The following ZNF37A variants were observed in gnomAD, a reference collection of about 807,000 sequenced individuals.
The protein encoded by ZNF37A is zinc finger protein 37a (KOX 21).
A neutral mutation model predicts 12.3 loss-of-function variants in ZNF37A; 10 were observed. The observed-to-expected ratio is 0.82, with a 90% CI of 0.50 to 1.38. The LOEUF is 1.38. Ranked by LOEUF, ZNF37A falls within the 40% of genes most tolerant of loss-of-function variation. The pLI is 0.00. For synonymous variants in ZNF37A, 207 were observed against 223.0 expected (o/e 0.93, Z 0.64); for missense variants, 580 against 651.2 (o/e 0.89, Z 1.19).
At chr10:38,102,598 C>T (rs1172496578) in intron 5 of ZNF37A, among the ~76,000 whole-genome samples, 1 of 152,108 alleles carries the variant, frequency 6.6e-6, no homozygotes, top group East Asian at 1.9e-4. Context: ...GCCAAGAATA[C>T]AATAAGACTG....
chr10:38,112,663 TTTTTA>T (rs1291523363), intron 5 of ZNF37A, among the ~76,000 whole-genome samples: 1 of 151,924 alleles, frequency 6.6e-6, no homozygotes, highest in Non-Finnish European at 1.5e-5. Flanking sequence ...ATTTTTCCAG[TTTTTA>T]TTTTGTTATA....
Position 38,115,245 on chromosome 10 carries a change from G to C in ZNF37A, c.193G>C (p.Glu65Gln), listed in dbSNP as rs2069175658. Residue 65 changes from glutamate to glutamine, a missense_variant, in exon 7 of 8, where the codon GAG becomes CAG. Transcript: ENST00000685332. ...EVILKLEKGE[E>Q]PWILEEKFPS... The stretch of plus-strand genomic sequence containing the variant: ...GATTCTCAAGTTGGAGAAAGGCGAG[G>C]AGCCATGGATATTAGAGGAAAAATT... The C allele has an allele frequency of 6.2e-7, 1 of 1,613,758 alleles. No individual in the cohort carries two copies. The highest frequency in any genetic ancestry group is 1.7e-5 in the Admixed American group (1 of 59,898).
chr10:38,120,861 A>C lies in ZNF37A; in HGVS notation c.*2024A>C, dbSNP rs2069651765. On this transcript the variant is annotated 3_prime_UTR_variant, in exon 8 of 8. Transcript: ENST00000685332. ...AGGAGCCTGAAAAGCTAATTTGAGA[A>C]GATAATAAGTAGGATTTTTGTTTTG... 6.6e-6 allele frequency: 1 copy of C among 152,256 alleles called. No individual in the cohort carries two copies. The allele number at this position is 152,256 out of a possible 1,614,324, so 9.4% of individuals were successfully genotyped here. A position where few individuals can be genotyped will look rare whatever the true frequency, so the allele number is the denominator to read the frequency against.
intron 5 of ZNF37A, among the ~76,000 whole-genome samples, chr10:38,111,718 A>C (rs1483578414): frequency 2.6e-5 from 4 of 152,282 alleles, no homozygotes; most frequent in Admixed American, 6.5e-5. Context: ...ATTTCAACCC[A>C]AAGGATTCCC....
At chr10:38,108,199 C>T (rs893684698) in intron 5 of ZNF37A, among the ~76,000 whole-genome samples, 10 of 152,216 alleles carry the variant, frequency 6.6e-5, no homozygotes, top group African/African-American at 2.4e-4. Context: ...AAGAAACTCA[C>T]TCAAAACTGC....
intron 7 of ZNF37A, among the ~76,000 whole-genome samples, chr10:38,131,620 A>C (rs1310930914): frequency 6.6e-6 from 1 of 152,164 alleles, no homozygotes; most frequent in Non-Finnish European, 1.5e-5. Flanking sequence ...AAATTTATTC[A>C]TCTTTCTGAA....
downstream of ZNF37A, among the ~76,000 whole-genome samples, chr10:38,126,098 G>A (rs1197735115): frequency 2.0e-5 from 3 of 152,296 alleles, no homozygotes; most frequent in African/African-American, 7.2e-5. Flanking sequence ...TTCAACATCA[G>A]ATTTAGGCAG....
Position 38,146,645 on chromosome 10 carries a change from C to T in ZNF37A, c.239-87C>T, listed in dbSNP as rs2070258956. On this transcript the variant is annotated intron_variant, in intron 7 of 7. Transcript: ENST00000638053. ...AGTAGATCCATATAGGCAGTTTCCA[C>T]ATTTGAAACCAAATGTGGCAAGAAA... is the stretch of plus-strand genomic sequence containing the variant. 6 of 395,414 alleles carry T rather than the reference C, an allele frequency of 1.5e-5. No individual in the cohort carries two copies. In the Admixed American group the frequency reaches 2.7e-4, roughly 17 times the overall value. 24.5% of individuals were successfully genotyped at this position (395,414 alleles called of 1,614,324 possible). A position where few individuals can be genotyped will look rare whatever the true frequency, so the allele number is the denominator to read the frequency against.
rs2067037633 is a variant in ZNF37A at position 38,095,044 on chromosome 10, ACCCCAGG to A, written c.-374_-368del. On this transcript the variant is annotated 5_prime_UTR_variant, in exon 2 of 8. Transcript: ENST00000685332. ...TGAGGCCGCGCACGCGGAGGGAGGC[ACCCCAGG>A]CCCTCCGGCACTGTCCAGCCTCGCC... The A allele has an allele frequency of 2.6e-5, 4 of 152,594 alleles. No individual in the cohort carries two copies. Among genetic ancestry groups the A allele is most frequent in the Non-Finnish European group, 5.9e-5 (4 of 68,352 alleles). 9.5% of individuals were successfully genotyped at this position (152,594 alleles called of 1,614,324 possible). A position where few individuals can be genotyped will look rare whatever the true frequency, so the allele number is the denominator to read the frequency against.
chr10:38,118,046 T>A lies in ZNF37A; in HGVS notation c.895T>A (p.Tyr299Asn), dbSNP rs1035368957. The part of the protein sequence containing the change: ...HQRTHTGGKP[Y>N]ECHECGKTFY... Reference sequence around the variant, plus strand: ...GAGAACACACACAGGGGGAAAACCCTATGAATGTCATGAATGTGGGAAGAC... The same window carrying A: ...GAGAACACACACAGGGGGAAAACCCAATGAATGTCATGAATGTGGGAAGAC... The change falls in exon 8 of 8, where the codon TAT becomes AAT. Residue 299 changes from tyrosine (Y) to asparagine (N), a missense_variant. Transcript: ENST00000685332. The A allele has an allele frequency of 6.2e-7, 1 of 1,613,930 alleles. No homozygotes were observed. Among genetic ancestry groups the A allele is most frequent in the African/African-American group, 1.3e-5 (1 of 74,934 alleles).
At chr10:38,112,146 CTA>C (rs1491501663) in intron 5 of ZNF37A, among the ~76,000 whole-genome samples, 1 of 117,786 alleles carries the variant, frequency 8.5e-6, no homozygotes, top group East Asian at 2.7e-4. Flanking sequence ...AAAAAAAAAA[CTA>C]AAAAAAAACC....
At chr10:38,107,358 C>T (rs1269283686) in intron 5 of ZNF37A, among the ~76,000 whole-genome samples, 1 of 152,148 alleles carries the variant, frequency 6.6e-6, no homozygotes, top group East Asian at 1.9e-4. Flanking sequence ...GAAGGAAGCA[C>T]TAAACATGGA....
chr10:38,100,445 A>T (rs1417795112), intron 5 of ZNF37A, among the ~76,000 whole-genome samples: 3 of 152,090 alleles, frequency 2.0e-5, no homozygotes, highest in Non-Finnish European at 4.4e-5. Flanking sequence ...AGACGGCCAC[A>T]CCCAGGGGGG....
At position 38,122,840 on chromosome 10, in the gene ZNF37A, A is replaced by C. The variant is rs1160004743; in HGVS notation, c.*4003A>C. 1 of 152,242 alleles carries C rather than the reference A, an allele frequency of 6.6e-6. No individual in the cohort carries two copies. Among genetic ancestry groups the C allele is most frequent in the Non-Finnish European group, 1.5e-5 (1 of 68,050 alleles). The allele number at this position is 152,242 out of a possible 1,614,324, so 9.4% of individuals were successfully genotyped here. The stretch of plus-strand genomic sequence containing the variant: ...GGACAAATGGGATCACATCAAGTTA[A>C]AAATCTTCTGCATTGCAAAGGAAAT... On this transcript the variant is annotated 3_prime_UTR_variant, in exon 8 of 8. Transcript: ENST00000685332.
chr10:38,136,058 T>C (rs2070103925), intron 7 of ZNF37A, among the ~76,000 whole-genome samples: 2 of 152,204 alleles, frequency 1.3e-5, no homozygotes, highest in East Asian at 1.9e-4. Flanking sequence ...TTAAAAACTT[T>C]TTTTGAGAGT....
downstream of ZNF37A, among the ~76,000 whole-genome samples, chr10:38,129,319 A>AAAAAAAAAAAAAAAC: frequency 3.1e-4 from 36 of 116,226 alleles, 1 homozygote; most frequent in African/African-American, 9.8e-4. Context: ...AAAAAAAAAA[A>AAAAAAAAAAAAAAAC]AAACTATTAT....
At position 38,101,966 on chromosome 10, in the gene ZNF37A, G is replaced by T. The variant is rs138963439; in HGVS notation, c.15+5334G>T. Among the ~76,000 whole-genome samples, 31 of 151,600 alleles carry T rather than the reference G, an allele frequency of 2.0e-4. No homozygotes were observed. The East Asian group carries it at 6.0e-3, about 30-fold the overall frequency. The stretch of plus-strand genomic sequence containing the variant: ...GCCTCCCGAGGAGCTGGGATTACTG[G>T]TGCACACCATGACACCTGGCTAATT... On this transcript the variant is annotated intron_variant, in intron 5 of 7. Coordinates refer to ENST00000685332, the MANE Select transcript of ZNF37A (RefSeq NM_001324250.3).
At chr10:38,097,940 A>G (rs1341479979) in intron 5 of ZNF37A, among the ~76,000 whole-genome samples, 1 of 152,340 alleles carries the variant, frequency 6.6e-6, no homozygotes, top group East Asian at 1.9e-4. Flanking sequence ...TACCCTTAAT[A>G]AGCAGTGTTG....
At chr10:38,145,606 A>G (rs1353284775) in intron 7 of ZNF37A, among the ~76,000 whole-genome samples, 2 of 152,150 alleles carry the variant, frequency 1.3e-5, no homozygotes, top group African/African-American at 4.8e-5. Flanking sequence ...CTCAGGCACC[A>G]TTTTCACCCT....
Sources: gnomAD v4.1 joint callset for allele counts (sites outside exome capture counted in the v4.1 genomes callset) on GRCh38, gnomAD v4.1.1 for gene constraint, MANE v1.5 for transcripts, NCBI Gene and HGNC (gene_info 2026-07-23, HGNC 2026-07-21) for gene names.